The following GPR158 variants were observed in gnomAD, a reference collection of about 807,000 sequenced individuals.
The protein encoded by GPR158 is metabotropic glycine receptor.
Under a neutral mutation model 78.2 loss-of-function variants are expected in GPR158, and 30 were observed. The observed-to-expected ratio is 0.38, with a 90% CI of 0.29 to 0.52. The LOEUF is 0.52. Ranked by LOEUF, GPR158 falls within the 20% of genes least tolerant of loss-of-function variation. The pLI is 0.83. For missense variants in GPR158, 1,463 were observed against 1,523.5 expected (o/e 0.96, Z 0.66); for synonymous variants, 581 against 591.1 (o/e 0.98, Z 0.25).
intron 2 of GPR158, among the ~76,000 whole-genome samples, chr10:25,286,345 T>A (rs1854350528): frequency 6.6e-6 from 1 of 152,162 alleles, no homozygotes; most frequent in East Asian, 1.9e-4. Flanking sequence ...GTTTCCTTAT[T>A]TGGCTCTGTC....
At chr10:25,249,513 T>C (rs570353818) in intron 2 of GPR158, among the ~76,000 whole-genome samples, 66 of 151,980 alleles carry the variant, frequency 4.3e-4, no homozygotes, top group Middle Eastern at 3.4e-3. Context: ...TGAGAGTTTT[T>C]AGCATGAAGG....
At chr10:25,185,988 CA>C (rs1470821043) in intron 1 of GPR158, among the ~76,000 whole-genome samples, 1 of 152,098 alleles carries the variant, frequency 6.6e-6, no homozygotes, top group Admixed American at 6.6e-5. Flanking sequence ...CACTCCTCAG[CA>C]AATATAAAAG....
intron 5 of GPR158, among the ~76,000 whole-genome samples, chr10:25,502,342 ATG>A (rs1173773783): frequency 6.6e-6 from 1 of 152,156 alleles, no homozygotes; most frequent in Non-Finnish European, 1.5e-5. Context: ...AGCATCTCCC[ATG>A]TGTCAAGCAT....
At chr10:25,326,347 G>C (rs534981768) in intron 2 of GPR158, among the ~76,000 whole-genome samples, 2 of 134,286 alleles carry the variant, frequency 1.5e-5, no homozygotes, top group East Asian at 4.0e-4. Context: ...TCTTTATGTA[G>C]TCTATCATTG....
At chr10:25,560,952 ATG>A (rs751834065) in intron 6 of GPR158, among the ~76,000 whole-genome samples, 3 of 152,198 alleles carry the variant, frequency 2.0e-5, no homozygotes, top group African/African-American at 7.2e-5. Context: ...GAAATACTTA[ATG>A]TGTGTTTTTT....
intron 2 of GPR158, among the ~76,000 whole-genome samples, chr10:25,226,629 T>A (rs1172081081): frequency 3.3e-5 from 5 of 152,212 alleles, no homozygotes; most frequent in Non-Finnish European, 5.9e-5. Context: ...TACATTTTAG[T>A]TGTATTTGTA....
chr10:25,465,487 A>G (rs1007441660), intron 4 of GPR158, among the ~76,000 whole-genome samples: 2 of 152,348 alleles, frequency 1.3e-5, no homozygotes, highest in East Asian at 1.9e-4. Flanking sequence ...AAGTCTAACA[A>G]AATATCTTAA....
chr10:25,204,657 G>A (rs774120547), intron 1 of GPR158, among the ~76,000 whole-genome samples: 2 of 152,106 alleles, frequency 1.3e-5, no homozygotes, highest in Non-Finnish European at 2.9e-5. Flanking sequence ...CGGTTTGCCA[G>A]TATTTTATTG....
At chr10:25,418,266 T>C (rs568213036) in intron 4 of GPR158, among the ~76,000 whole-genome samples, 2 of 152,202 alleles carry the variant, frequency 1.3e-5, no homozygotes, top group Admixed American at 1.3e-4. Flanking sequence ...GCCCAAAATA[T>C]CAACTCAATA....
chr10:25,318,993 A>G (rs1854904556), intron 2 of GPR158, among the ~76,000 whole-genome samples: 1 of 152,188 alleles, frequency 6.6e-6, no homozygotes, highest in South Asian at 2.1e-4. Context: ...ACAATTTGCA[A>G]TCCCTGGATT....
At chr10:25,457,140 CTTTTTT>C (rs11384299) in intron 4 of GPR158, among the ~76,000 whole-genome samples, 6 of 59,402 alleles carry the variant, frequency 1.0e-4, no homozygotes, top group African/African-American at 1.4e-4. Flanking sequence ...CCATGCCCAC[CTTTTTT>C]TTTTTTTTTT....
intron 1 of GPR158, among the ~76,000 whole-genome samples, chr10:25,194,566 G>C (rs1852819764): frequency 6.6e-6 from 1 of 151,952 alleles, no homozygotes; most frequent in Admixed American, 6.6e-5. Context: ...ATAAAGAATG[G>C]AAGAGCCAGA....
chr10:25,597,670 A>T (rs1168848082), intron 10 of GPR158, 102 bp from the exon 11 acceptor site: 2 of 903,456 alleles, frequency 2.2e-6, no homozygotes, highest in African/African-American at 3.4e-5. Flanking sequence ...CAGTTGCCCC[A>T]AATTAGAGCC....
At chr10:25,343,313 A>G (rs1453771312) in intron 2 of GPR158, among the ~76,000 whole-genome samples, 3 of 151,962 alleles carry the variant, frequency 2.0e-5, no homozygotes, top group East Asian at 1.9e-4. Context: ...CTAAAATCGG[A>G]TAAGTTTCCT....
chr10:25,525,462 G>A (rs1472212259), intron 5 of GPR158, among the ~76,000 whole-genome samples: 1 of 152,112 alleles, frequency 6.6e-6, no homozygotes, highest in Non-Finnish European at 1.5e-5. Flanking sequence ...AAGAAGTAGT[G>A]ATACATGCTA....
chr10:25,298,539 T>G (rs1854548428), intron 2 of GPR158, among the ~76,000 whole-genome samples: 1 of 152,188 alleles, frequency 6.6e-6, no homozygotes, highest in South Asian at 2.1e-4. Context: ...GAATACAAGT[T>G]TGTTCTCTTA....
At chr10:25,390,865 G>A (rs1399102800) in intron 2 of GPR158, among the ~76,000 whole-genome samples, 1 of 152,212 alleles carries the variant, frequency 6.6e-6, no homozygotes, top group Non-Finnish European at 1.5e-5. Context: ...GGTCTTCATG[G>A]CAGTCCCTCC....
chr10:25,337,958 C>G (rs1426826050), intron 2 of GPR158, among the ~76,000 whole-genome samples: 2 of 151,876 alleles, frequency 1.3e-5, no homozygotes, highest in Non-Finnish European at 2.9e-5. Flanking sequence ...AGTATTTCGA[C>G]TGTTTTTTAA....
At chr10:25,252,310 AG>A (rs1263875520) in intron 2 of GPR158, among the ~76,000 whole-genome samples, 3 of 152,028 alleles carry the variant, frequency 2.0e-5, no homozygotes, top group African/African-American at 7.2e-5. Flanking sequence ...TTCTTCTCTC[AG>A]CTCGTCAAAG....
Sources: gnomAD v4.1 joint callset for allele counts (sites outside exome capture counted in the v4.1 genomes callset) on GRCh38, gnomAD v4.1.1 for gene constraint, MANE v1.5 for transcripts, NCBI Gene and HGNC (gene_info 2026-07-23, HGNC 2026-07-21) for gene names.